The following KBTBD12 variants were observed in gnomAD, a reference collection of about 807,000 sequenced individuals.
KBTBD12 encodes kelch repeat and BTB domain-containing protein 12.
Under a neutral mutation model 58.7 loss-of-function variants are expected in KBTBD12, and 53 were observed. The observed-to-expected ratio is 0.90, with a 90% CI of 0.72 to 1.14. The LOEUF (loss-of-function observed/expected upper bound fraction) is 1.14, where lower values mean the gene tolerates loss of function less well. Ranked by LOEUF, KBTBD12 falls within the 50% of genes most tolerant of loss-of-function variation. The pLI is 0.00. For missense variants in KBTBD12, 704 were observed against 751.3 expected (o/e 0.94, Z 0.74); for synonymous variants, 236 against 259.8 (o/e 0.91, Z 0.88).
At chr3:127,941,275 C>A (rs1209655634) in intron 4 of KBTBD12, among the ~76,000 whole-genome samples, 1 of 152,104 alleles carries the variant, frequency 6.6e-6, no homozygotes, top group Non-Finnish European at 1.5e-5. Flanking sequence ...CATGCAAATC[C>A]TTAACAAAAT....
At chr3:127,919,752 A>G (rs1939352124) in intron 1 of KBTBD12, among the ~76,000 whole-genome samples, 1 of 152,084 alleles carries the variant, frequency 6.6e-6, no homozygotes, top group South Asian at 2.1e-4. Flanking sequence ...CATTAAAAAG[A>G]AAATTCATGA....
intron 1 of KBTBD12, among the ~76,000 whole-genome samples, chr3:127,915,958 G>C (rs1316430508): frequency 6.6e-6 from 1 of 152,260 alleles, no homozygotes; most frequent in African/African-American, 2.4e-5. Context: ...ACCTAGGATA[G>C]TGCCTGGCAC....
intron 1 of KBTBD12, among the ~76,000 whole-genome samples, chr3:127,915,904 A>G (rs1939223340): frequency 6.6e-6 from 1 of 152,226 alleles, no homozygotes; most frequent in Admixed American, 6.5e-5. Context: ...TGTAAGCACA[A>G]CAAAGGTAAG....
At chr3:127,946,247 G>T (rs951312711) in intron 4 of KBTBD12, among the ~76,000 whole-genome samples, 1 of 152,016 alleles carries the variant, frequency 6.6e-6, no homozygotes, top group Non-Finnish European at 1.5e-5. Flanking sequence ...AAAGTTACAG[G>T]CTTCCAACCT....
intron 3 of KBTBD12, among the ~76,000 whole-genome samples, chr3:127,929,708 T>C (rs1241555095): frequency 6.6e-6 from 1 of 152,074 alleles, no homozygotes. Context: ...ATTAGAAAAA[T>C]ATAAAGAAAA....
Position 127,963,183 on chromosome 3 carries a change from C to T in KBTBD12, c.1493-6C>T, listed in dbSNP as rs1940480654. ...TCCTCTCATTTCTCCACATAATTCT[C>T]TGCAGGTGGCATTGGCTGTGTAGGT... On this transcript the variant is annotated splice_region_variant and splice_polypyrimidine_tract_variant and intron_variant, in intron 4 of 5. Coordinates refer to ENST00000405109, the MANE Select transcript of KBTBD12 (RefSeq NM_207335.4). The T allele has an allele frequency of 2.5e-6, 4 of 1,592,158 alleles. No individual in the cohort carries two copies. The East Asian group carries it at 9.0e-5, about 36-fold the overall frequency.
intron 4 of KBTBD12, among the ~76,000 whole-genome samples, chr3:127,940,950 T>C (rs1226949067): frequency 6.6e-6 from 1 of 152,152 alleles, no homozygotes; most frequent in East Asian, 1.9e-4. Flanking sequence ...ATTTGACAAC[T>C]TAGATGAAAT....
At chr3:127,941,716 C>T (rs1025754921) in intron 4 of KBTBD12, among the ~76,000 whole-genome samples, 3 of 152,218 alleles carry the variant, frequency 2.0e-5, no homozygotes, top group African/African-American at 7.2e-5. Flanking sequence ...TTCTCCTCCC[C>T]AGCCTCCCAA....
At chr3:127,973,578 A>C (rs981098847) in intron 5 of KBTBD12, among the ~76,000 whole-genome samples, 7 of 152,290 alleles carry the variant, frequency 4.6e-5, no homozygotes, top group African/African-American at 1.7e-4. Context: ...CCTTAGAAGA[A>C]GTATGCTGAG....
At chr3:127,964,161 G>A (rs567888919) in intron 5 of KBTBD12, among the ~76,000 whole-genome samples, 2 of 152,078 alleles carry the variant, frequency 1.3e-5, no homozygotes, top group African/African-American at 4.8e-5. Context: ...TATTAAAAAT[G>A]ACTAACTTGA....
At chr3:127,942,146 C>T (rs145591073) in intron 4 of KBTBD12, among the ~76,000 whole-genome samples, 3 of 152,134 alleles carry the variant, frequency 2.0e-5, no homozygotes, top group African/African-American at 7.2e-5. Flanking sequence ...GTGTAGTCAG[C>T]AAATACAAAA....
chr3:127,924,058 A>G lies in KBTBD12; in HGVS notation c.997A>G (p.Thr333Ala). Residue 333 changes from threonine to alanine, a missense_variant, in exon 2 of 6, where the codon ACT becomes GCT. Physicochemically the swap from Thr to Ala is moderately conservative, Grantham distance 58. Transcript: ENST00000405109. ...VCTGVVMENN[T>A]IIVAGEASAS... is the part of the protein sequence containing the mutation. ...TACTGGTGTTGTCATGGAAAATAAT[A>G]CTATAATTGTGGCTGGAGAAGCAAG... 1 of 1,613,782 alleles carries G rather than the reference A, an allele frequency of 6.2e-7. No individual in the cohort carries two copies. The highest frequency in any genetic ancestry group is 1.1e-5 in the South Asian group (1 of 91,074).
At chr3:127,933,752 A>C (rs1256716785) in intron 4 of KBTBD12, among the ~76,000 whole-genome samples, 2 of 152,178 alleles carry the variant, frequency 1.3e-5, no homozygotes, top group Non-Finnish European at 2.9e-5. Context: ...GTTTGACTAC[A>C]ACCACCAGTC....
intron 4 of KBTBD12, among the ~76,000 whole-genome samples, chr3:127,934,825 A>G (rs1303046080): frequency 6.6e-6 from 1 of 152,198 alleles, no homozygotes; most frequent in Non-Finnish European, 1.5e-5. Context: ...ACTGTGCTTC[A>G]AAACTTAAGG....
At chr3:127,947,982 C>T (rs1346843251) in intron 4 of KBTBD12, among the ~76,000 whole-genome samples, 3 of 152,196 alleles carry the variant, frequency 2.0e-5, no homozygotes, top group African/African-American at 7.2e-5. Context: ...ATGATCACTG[C>T]ATTATGATCA....
At chr3:127,972,486 C>T (rs184971896) in intron 5 of KBTBD12, among the ~76,000 whole-genome samples, 42 of 152,268 alleles carry the variant, frequency 2.8e-4, no homozygotes, top group Admixed American at 2.5e-3. Flanking sequence ...AGGTAGTAAG[C>T]CCATGTTAAA....
At chr3:127,971,656 GCT>G (rs1448301868) in intron 5 of KBTBD12, among the ~76,000 whole-genome samples, 2 of 152,164 alleles carry the variant, frequency 1.3e-5, no homozygotes, top group Non-Finnish European at 2.9e-5. Context: ...CAGGGAGCAG[GCT>G]GAGGGAGCAG....
intron 3 of KBTBD12, among the ~76,000 whole-genome samples, chr3:127,929,896 C>T (rs1231389041): frequency 6.6e-6 from 1 of 151,400 alleles, no homozygotes; most frequent in Non-Finnish European, 1.5e-5. Flanking sequence ...CTGCTAAGAT[C>T]ACAAATTGTT....
intron 4 of KBTBD12, among the ~76,000 whole-genome samples, chr3:127,945,517 G>A (rs967377997): frequency 6.6e-6 from 1 of 151,430 alleles, no homozygotes; most frequent in African/African-American, 2.4e-5. Context: ...ATGTCTCTGT[G>A]GTTTTGATTT....
Sources: gnomAD v4.1 joint callset for allele counts (sites outside exome capture counted in the v4.1 genomes callset) on GRCh38, gnomAD v4.1.1 for gene constraint, MANE v1.5 for transcripts, NCBI Gene and HGNC (gene_info 2026-07-23, HGNC 2026-07-21) for gene names.